Variants in ATP11B observed in about 807,000 individuals in gnomAD.
ATP11B encodes the protein ATPase phospholipid transporting 11B (putative), also known as phospholipid-transporting ATPase IF.
Under a neutral mutation model 157.8 loss-of-function variants are expected in ATP11B, and 81 were observed. The observed-to-expected ratio is 0.51, with a 90% CI of 0.43 to 0.62. The LOEUF (loss-of-function observed/expected upper bound fraction) is 0.62, where lower values mean the gene tolerates loss of function less well. Among genes scored for constraint, ATP11B ranks in the 20% least tolerant of loss-of-function variants. The pLI, the probability that ATP11B is intolerant of heterozygous loss-of-function variation, is 0.00. For missense variants in ATP11B, 1,165 were observed against 1,402.2 expected (o/e 0.83, Z 2.70); for synonymous variants, 451 against 469.4 (o/e 0.96, Z 0.51).
At chr3:182,810,113 C>G (rs9849885) in intron 1 of ATP11B, among the ~76,000 whole-genome samples, 5,765 of 152,204 alleles carry the variant, frequency 0.038, 374 homozygotes, top group African/African-American at 0.13. Flanking sequence ...GAGCAGATCA[C>G]TTGAGATCAG....
rs190427803 is a variant in ATP11B at position 182,915,498 on chromosome 3, C to T, written c.3452+1504C>T. 4.4e-5 allele frequency: 43 copies of T among 984,454 alleles called. No individual in the cohort carries two copies. The African/African-American group carries it at 7.5e-4, about 17-fold the overall frequency. 61.0% of individuals were successfully genotyped at this position (984,454 alleles called of 1,614,324 possible). On this transcript the variant is annotated intron_variant, in intron 29 of 29. Coordinates refer to ENST00000323116, the MANE Select transcript of ATP11B (RefSeq NM_014616.3). ...ACTATTTTACCTAATAACATAGCTT[C>T]ATTGCACAGAATCAAGATAGGAGTT... is the stretch of plus-strand genomic sequence containing the variant.
intron 6 of ATP11B, 137 bp from the exon 7 acceptor site, chr3:182,836,934 T>C: frequency 1.6e-6 from 1 of 639,466 alleles, no homozygotes; most frequent in Non-Finnish European, 2.7e-6. Context: ...TACATGTTTC[T>C]TTCTCTTCTG....
At chr3:182,884,281 T>TA (rs1722652104) in intron 21 of ATP11B, among the ~76,000 whole-genome samples, 1 of 152,144 alleles carries the variant, frequency 6.6e-6, no homozygotes, top group South Asian at 2.1e-4. Flanking sequence ...ATTTTCCTTT[T>TA]AAAAAGTGCA....
chr3:182,889,436 G>A lies in ATP11B; in HGVS notation c.2870G>A (p.Ser957Asn). The change falls in exon 25 of 30, where the codon AGT becomes AAT. Residue 957 changes from serine to asparagine, a missense_variant. Ser to Asn is a conservative substitution (Grantham distance 46). This residue lies in a region of ATP11B where 303 missense variants were observed against 296.3 expected (regional missense o/e 1.02). Coordinates refer to ENST00000323116, the MANE Select transcript of ATP11B (RefSeq NM_014616.3). ...YRDISKNRLL[S>N]IKTFLYWTIL... ...GACATTAGTAAAAACCGCCTCTTAA[G>A]TATTAAAACATTTCTTTATTGGACC... 6.3e-7 allele frequency: 1 copy of A among 1,575,484 alleles called. No individual in the cohort carries two copies. Among genetic ancestry groups the A allele is most frequent in the Non-Finnish European group, 8.6e-7 (1 of 1,165,636 alleles).
intron 9 of ATP11B, among the ~76,000 whole-genome samples, chr3:182,847,654 A>T (rs930698741): frequency 6.6e-6 from 1 of 152,226 alleles, no homozygotes; most frequent in Non-Finnish European, 1.5e-5. Flanking sequence ...TGTACTATTT[A>T]GGGATGGGAA....
At chr3:182,816,252 C>G (rs1716963501) in intron 1 of ATP11B, among the ~76,000 whole-genome samples, 1 of 152,134 alleles carries the variant, frequency 6.6e-6, no homozygotes, top group Non-Finnish European at 1.5e-5. Flanking sequence ...TTTTAGTAGA[C>G]ATTAACATAA....
chr3:182,912,773 C>T (rs746774094), intron 28 of ATP11B, among the ~76,000 whole-genome samples: 1 of 152,214 alleles, frequency 6.6e-6, no homozygotes, highest in East Asian at 1.9e-4. Context: ...TCCTCTGTTG[C>T]CTGCACCCAG....
At chr3:182,853,330 C>T (rs1262897579) in intron 10 of ATP11B, among the ~76,000 whole-genome samples, 1 of 152,112 alleles carries the variant, frequency 6.6e-6, no homozygotes, top group East Asian at 1.9e-4. Context: ...GCCTCAGCCT[C>T]CCGAGTGGCT....
intron 25 of ATP11B, among the ~76,000 whole-genome samples, chr3:182,891,765 A>C (rs1723190815): frequency 6.6e-6 from 1 of 152,128 alleles, no homozygotes; most frequent in Non-Finnish European, 1.5e-5. Flanking sequence ...CTCCAATACT[A>C]GGTATAGTAG....
intron 2 of ATP11B, among the ~76,000 whole-genome samples, chr3:182,827,112 C>T (rs1048139933): frequency 5.9e-5 from 9 of 151,976 alleles, no homozygotes; most frequent in Non-Finnish European, 1.3e-4. Flanking sequence ...AAATGATATC[C>T]CTGGCCTCAG....
chr3:182,885,133 C>G lies in ATP11B; in HGVS notation c.2655+235C>G, dbSNP rs1456754384. Among the ~76,000 whole-genome samples, 11 of 152,172 alleles carry G rather than the reference C, an allele frequency of 7.2e-5. No homozygotes were observed. In the South Asian group the frequency reaches 2.1e-3, roughly 29 times the overall value. Reference sequence around the variant, plus strand: ...TTGATATCTTTAAAGTTATTTTGTCCTGAACCAGCAATAAGTTTTAACACC... The same window carrying G: ...TTGATATCTTTAAAGTTATTTTGTCGTGAACCAGCAATAAGTTTTAACACC... On this transcript the variant is annotated intron_variant, in intron 22 of 29. Transcript: ENST00000323116.
At chr3:182,867,213 GC>G (rs1721307621) in intron 14 of ATP11B, among the ~76,000 whole-genome samples, 162 bp from the exon 15 acceptor site, 1 of 152,070 alleles carries the variant, frequency 6.6e-6, no homozygotes, top group Non-Finnish European at 1.5e-5. Flanking sequence ...ACAGGCATGA[GC>G]CACCACTCCT....
At position 182,905,118 on chromosome 3, in the gene ATP11B, T is replaced by C. The variant is rs191128671; in HGVS notation, c.3318+6346T>C. ...ATTGCATCTTTCATAGAAATAATTATTGGTCAGTCTTAATCCTGGAAAAAT... is the reference window on the plus strand; with the variant it reads ...ATTGCATCTTTCATAGAAATAATTACTGGTCAGTCTTAATCCTGGAAAAAT... On this transcript the variant is annotated intron_variant, in intron 28 of 29. Coordinates refer to ENST00000323116, the MANE Select transcript of ATP11B (RefSeq NM_014616.3). Among the ~76,000 whole-genome samples, 134 of 152,280 alleles carry C rather than the reference T, an allele frequency of 8.8e-4. 1 individual carries two copies. The highest frequency in any genetic ancestry group is 3.0e-3 in the African/African-American group (123 of 41,558).
At chr3:182,909,499 C>A (rs1389973848) in intron 28 of ATP11B, among the ~76,000 whole-genome samples, 1 of 151,998 alleles carries the variant, frequency 6.6e-6, no homozygotes, top group Non-Finnish European at 1.5e-5. Flanking sequence ...AGTGGTCTCC[C>A]AAAACATGTA....
At chr3:182,846,636 A>C (rs900569320) in intron 9 of ATP11B, among the ~76,000 whole-genome samples, 9 of 152,374 alleles carry the variant, frequency 5.9e-5, no homozygotes, top group African/African-American at 2.2e-4. Context: ...AATATTATTC[A>C]GCTATAAAAA....
intron 28 of ATP11B, among the ~76,000 whole-genome samples, chr3:182,901,860 A>ATG (rs1723991720): frequency 6.6e-6 from 1 of 152,148 alleles, no homozygotes; most frequent in Non-Finnish European, 1.5e-5. Context: ...TAAAAATGGA[A>ATG]TGTACAGTGC....
At chr3:182,863,216 T>C (rs146491680) in intron 12 of ATP11B, among the ~76,000 whole-genome samples, 9 of 152,308 alleles carry the variant, frequency 5.9e-5, no homozygotes, top group African/African-American at 2.2e-4. Flanking sequence ...TCCATTTATT[T>C]TTAGTAACAT....
rs940590041 is a variant in ATP11B, at chr3:182,919,644, T to C, written c.*1540T>C. On this transcript the variant is annotated 3_prime_UTR_variant, in exon 30 of 30. Transcript: ENST00000323116. ...TTTATGGAGATTTATTGTGCAGCCC[T>C]AAGCTTCCTTCCCATTTCATGAATA... is the stretch of plus-strand genomic sequence containing the variant. The C allele has an allele frequency of 2.0e-5, 3 of 152,168 alleles. No homozygotes were observed. The highest frequency in any genetic ancestry group is 4.8e-5 in the African/African-American group (2 of 41,454). 9.4% of individuals were successfully genotyped at this position (152,168 alleles called of 1,614,324 possible). A position where few individuals can be genotyped will look rare whatever the true frequency, so the allele number is the denominator to read the frequency against.
rs961741356 is a variant in ATP11B at position 182,866,164 on chromosome 3, A to G, written c.1444-104A>G. ...CAACCAACTGTTATTCAGGCAATCA[A>G]GGTTGTAGCACTCTTGTTCTAGATC... On this transcript the variant is annotated intron_variant, in intron 13 of 29. Transcript: ENST00000323116. The G allele has an allele frequency of 2.8e-5, 23 of 828,094 alleles. No individual in the cohort carries two copies. In the Middle Eastern group the frequency reaches 1.9e-3, roughly 70 times the overall value. The allele number at this position is 828,094 out of a possible 1,614,324, so 51.3% of individuals were successfully genotyped here.
Sources: gnomAD v4.1 joint callset for allele counts (sites outside exome capture counted in the v4.1 genomes callset) on GRCh38, gnomAD v4.1.1 for gene constraint, gnomAD v4.1.1 regional missense constraint, MANE v1.5 for transcripts, NCBI Gene and HGNC (gene_info 2026-07-23, HGNC 2026-07-21) for gene names.